The following MGAM2 variants were observed in gnomAD, a reference collection of about 807,000 sequenced individuals.
MGAM2 encodes maltase-glucoamylase 2 (putative), also known as probable maltase-glucoamylase 2.
In MGAM2, 98 loss-of-function variants were observed where a neutral mutation model predicts 96.1. The observed-to-expected ratio is 1.02, with a 90% CI of 0.87 to 1.21. The LOEUF (loss-of-function observed/expected upper bound fraction) is 1.21, where lower values mean the gene tolerates loss of function less well. Ranked by LOEUF, MGAM2 falls within the 50% of genes most tolerant of loss-of-function variation. The pLI is 0.00. For missense variants in MGAM2, 2,055 were observed against 1,182.4 expected, an observed-to-expected ratio of 1.74 and a Z score of -10.82; for synonymous variants, 749 against 414.8, an observed-to-expected ratio of 1.81 and a Z score of -9.79.
At chr7:142,210,442 G>A (rs1008060200) in intron 46 of MGAM2, among the ~76,000 whole-genome samples, 2 of 152,168 alleles carry the variant, frequency 1.3e-5, no homozygotes, top group Non-Finnish European at 2.9e-5. Flanking sequence ...CCACAGGCTT[G>A]AAATACTCGC....
intron 26 of MGAM2, among the ~76,000 whole-genome samples, chr7:142,169,392 G>A (rs1796125934): frequency 6.6e-6 from 1 of 151,962 alleles, no homozygotes; most frequent in Admixed American, 6.6e-5. Flanking sequence ...ACTGCACTCC[G>A]AGCTGGCGAC....
chr7:142,218,257 A>T, intron 46 of MGAM2, 104 bp from the exon 47 acceptor site: 1 of 488,352 alleles, frequency 2.0e-6, no homozygotes. Context: ...GAAATAGCAA[A>T]CTAATATAAC....
At chr7:142,134,334 T>A (rs1426741615) in intron 7 of MGAM2, among the ~76,000 whole-genome samples, 182 bp downstream of exon 7, 3 of 152,166 alleles carry the variant, frequency 2.0e-5, no homozygotes, top group Non-Finnish European at 2.9e-5. Flanking sequence ...ATAAAAAAAA[T>A]TAAATTAGAA....
At position 142,186,066 on chromosome 7, in the gene MGAM2, G is replaced by C. The variant is rs1418788706; in HGVS notation, c.4065G>C (p.Glu1355Asp). The C allele has an allele frequency of 2.8e-6, 2 of 705,986 alleles. No individual in the cohort carries two copies. The highest frequency in any genetic ancestry group is 5.2e-6 in the Non-Finnish European group (2 of 385,128). The allele number at this position is 705,986 out of a possible 1,614,324, so 43.7% of individuals were successfully genotyped here. Reference sequence around the variant, plus strand: ...CGTGGTGGAAGAAAGAGATAGAAGAGCTCTATGCAAACCCTCGAGAGCCAG... The same window carrying C: ...CGTGGTGGAAGAAAGAGATAGAAGACCTCTATGCAAACCCTCGAGAGCCAG... Reference protein sequence around the residue: ...TAAWWKKEIEELYANPREPEK... With the variant: ...TAAWWKKEIEDLYANPREPEK... The change falls in exon 35 of 48, where the codon GAG becomes GAC. Residue 1355 changes from glutamate to aspartate, a missense_variant. Glu to Asp is a conservative substitution (Grantham distance 45). Transcript: ENST00000477922.
intron 10 of MGAM2, among the ~76,000 whole-genome samples, 183 bp downstream of exon 10, chr7:142,138,850 C>A (rs1795134012): frequency 1.3e-5 from 2 of 152,184 alleles, no homozygotes; most frequent in Non-Finnish European, 2.9e-5. Flanking sequence ...GTTAATGAAG[C>A]CTGATAGAGG....
rs1191242708 is a variant in MGAM2, at chr7:142,175,641, T to G, written c.3688-11T>G. 2.8e-6 allele frequency: 2 copies of G among 702,344 alleles called. No homozygotes were observed. The highest frequency in any genetic ancestry group is 5.4e-5 in the East Asian group (2 of 37,266). 43.5% of individuals were successfully genotyped at this position (702,344 alleles called of 1,614,324 possible). A position where few individuals can be genotyped will look rare whatever the true frequency, so the allele number is the denominator to read the frequency against. ...GCAGGGTTCCAAGAGCCTTGCTGCT[T>G]CTTTCTGCAGGACGTCCAGCATGTA... On this transcript the variant is annotated splice_polypyrimidine_tract_variant and intron_variant, in intron 31 of 47. Coordinates refer to ENST00000477922, the MANE Select transcript of MGAM2 (RefSeq NM_001293626.2).
chr7:142,153,292 G>A (rs931751563), intron 15 of MGAM2, among the ~76,000 whole-genome samples: 3 of 152,102 alleles, frequency 2.0e-5, no homozygotes, highest in Admixed American at 6.5e-5. Context: ...GAGCCACCGC[G>A]CCCGGCCTGC....
Position 142,137,464 on chromosome 7 carries a change from T to C in MGAM2, c.879T>C (p.Thr293=), listed in dbSNP as rs111717910. Residue 293 remains threonine, a synonymous_variant, in exon 9 of 48, where the codon ACT becomes ACC. Coordinates refer to ENST00000477922, the MANE Select transcript of MGAM2 (RefSeq NM_001293626.2). ...CCCTTCAGCCAGCTCCTGCGATCAC[T>C]TATCGCACGATTGGAGGCATTCTTG... ...EVTLQPAPAI[T]YRTIGGILDF... is the part of the protein sequence containing the mutation. 8 of 702,092 alleles carry C rather than the reference T, an allele frequency of 1.1e-5. No individual in the cohort carries two copies. Among genetic ancestry groups the C allele is most frequent in the African/African-American group, 5.2e-5 (3 of 57,330 alleles). The allele number at this position is 702,092 out of a possible 1,614,324, so 43.5% of individuals were successfully genotyped here. A position where few individuals can be genotyped will look rare whatever the true frequency, so the allele number is the denominator to read the frequency against.
At chr7:142,146,791 G>T (rs1349441266) in intron 14 of MGAM2, among the ~76,000 whole-genome samples, 1 of 151,254 alleles carries the variant, frequency 6.6e-6, no homozygotes, top group Non-Finnish European at 1.5e-5. Flanking sequence ...GCAGTGGCAC[G>T]ATCTCGGCTC....
At chr7:142,189,896 A>G (rs1796817204) in intron 37 of MGAM2, among the ~76,000 whole-genome samples, 1 of 152,224 alleles carries the variant, frequency 6.6e-6, no homozygotes, top group African/African-American at 2.4e-5. Context: ...GACATTTCAT[A>G]AAATGGAATC....
intron 3 of MGAM2, among the ~76,000 whole-genome samples, chr7:142,123,974 T>TG (rs1794662456): frequency 7.8e-6 from 1 of 127,394 alleles, no homozygotes; most frequent in East Asian, 2.4e-4. Context: ...TTTTTTTTTT[T>TG]TTTTTTTTTT....
At chr7:142,184,190 C>G (rs897996870) in intron 33 of MGAM2, among the ~76,000 whole-genome samples, 22 of 151,868 alleles carry the variant, frequency 1.4e-4, no homozygotes, top group African/African-American at 5.3e-4. Context: ...CCAGGCTGGT[C>G]TCGAACTCAT....
intron 15 of MGAM2, among the ~76,000 whole-genome samples, chr7:142,151,282 T>C (rs897047410): frequency 6.6e-6 from 1 of 152,190 alleles, no homozygotes; most frequent in African/African-American, 2.4e-5. Flanking sequence ...ACTGGGTCGG[T>C]GTTATTTTCC....
At position 142,132,031 on chromosome 7, in the gene MGAM2, T is replaced by A; in HGVS notation, c.521T>A (p.Val174Asp). 1 of 703,076 alleles carries A rather than the reference T, an allele frequency of 1.4e-6. No homozygotes were observed. Among genetic ancestry groups the A allele is most frequent in the Non-Finnish European group, 2.6e-6 (1 of 385,036 alleles). The allele number at this position is 703,076 out of a possible 1,614,324, so 43.6% of individuals were successfully genotyped here. Residue 174 changes from valine to aspartate, a missense_variant, in exon 6 of 48, where the codon GTT (valine) becomes GAT (aspartate). Val to Asp is a radical substitution (Grantham distance 152). Coordinates refer to ENST00000477922, the MANE Select transcript of MGAM2 (RefSeq NM_001293626.2). Reference protein sequence around the residue: ...DASNLSYYVEVTDKPFSIKIM... With the variant: ...DASNLSYYVEDTDKPFSIKIM... ...TCCAATTTGAGCTATTACGTGGAGG[T>A]TACTGATAAACCTTTCAGCATCAAA... is the stretch of plus-strand genomic sequence containing the variant.
intron 12 of MGAM2, 120 bp downstream of exon 12, chr7:142,141,239 C>A (rs1366317934): frequency 3.5e-6 from 2 of 577,580 alleles, no homozygotes; most frequent in Non-Finnish European, 6.1e-6. Flanking sequence ...TTAGAGGTTT[C>A]TTTTATTACT....
chr7:142,141,054 C>G lies in MGAM2; in HGVS notation c.1252C>G (p.Pro418Ala). ...PGISKNSNYE[P>A]YNNGSLKRVW... ...CATCTCCAAAAACTCTAACTACGAG[C>G]CCTATAATAATGGAAGCCTAAAGAG... Residue 418 changes from proline (P) to alanine (A), a missense_variant, in exon 12 of 48, where the codon CCC becomes GCC. Transcript: ENST00000477922. 1.4e-6 allele frequency: 1 copy of G among 701,756 alleles called. No homozygotes were observed. Among genetic ancestry groups the G allele is most frequent in the Non-Finnish European group, 2.6e-6 (1 of 384,492 alleles). 43.5% of individuals were successfully genotyped at this position (701,756 alleles called of 1,614,324 possible). A position where few individuals can be genotyped will look rare whatever the true frequency, so the allele number is the denominator to read the frequency against.
At chr7:142,188,839 G>A (rs1796782394) in intron 36 of MGAM2, among the ~76,000 whole-genome samples, 1 of 152,108 alleles carries the variant, frequency 6.6e-6, no homozygotes, top group African/African-American at 2.4e-5. Flanking sequence ...TAATGTAAGT[G>A]TCTGAGCACA....
At chr7:142,190,060 T>A (rs1483170029) in intron 37 of MGAM2, among the ~76,000 whole-genome samples, 2 of 151,516 alleles carry the variant, frequency 1.3e-5, no homozygotes, top group African/African-American at 2.4e-5. Flanking sequence ...TATCTACCAA[T>A]GAGTGAACAT....
Position 142,131,500 on chromosome 7 carries a change from A to G in MGAM2, c.311-18A>G, listed in dbSNP as rs770890484. 4.4e-5 allele frequency: 31 copies of G among 701,124 alleles called. 1 individual carries two copies. The highest frequency in any genetic ancestry group is 1.2e-4 in the South Asian group (8 of 67,328). The allele number at this position is 701,124 out of a possible 1,614,324, so 43.4% of individuals were successfully genotyped here. A position where few individuals can be genotyped will look rare whatever the true frequency, so the allele number is the denominator to read the frequency against. ...AGTTAGTCTCCTTTTCTCTCTCTCCATATCTTGCCACCCCTAGGATTTACT... is the reference window on the plus strand; with the variant it reads ...AGTTAGTCTCCTTTTCTCTCTCTCCGTATCTTGCCACCCCTAGGATTTACT... On this transcript the variant is annotated intron_variant, in intron 4 of 47. Transcript: ENST00000477922.
Sources: gnomAD v4.1 joint callset for allele counts (sites outside exome capture counted in the v4.1 genomes callset) on GRCh38, gnomAD v4.1.1 for gene constraint, MANE v1.5 for transcripts, NCBI Gene and HGNC (gene_info 2026-07-23, HGNC 2026-07-21) for gene names.